Variants in P2RY8 observed in about 807,000 individuals in gnomAD.
P2RY8 encodes the protein S-geranylgeranyl-glutathione receptor P2RY8.
P2RY8 carries 6 observed loss-of-function variants against 10.0 expected under a neutral mutation model. The observed-to-expected ratio is 0.60, with a 90% CI of 0.33 to 1.19. The LOEUF is 1.19. Ranked by LOEUF, P2RY8 falls within the 50% of genes most tolerant of loss-of-function variation. The probability of loss-of-function intolerance (pLI) is 0.04; values close to 1 mark genes in which losing one functional copy is unlikely to be tolerated. For synonymous variants in P2RY8, 276 were observed against 252.5 expected, an observed-to-expected ratio of 1.09 and a Z score of -0.88; for missense variants, 456 against 542.0, an observed-to-expected ratio of 0.84 and a Z score of 1.58.
At chrX:1,526,492 C>T (rs1436967827) in intron 1 of P2RY8, among the ~76,000 whole-genome samples, 1 of 152,030 alleles carries the variant, frequency 6.6e-6, no homozygotes, top group Non-Finnish European at 1.5e-5. Flanking sequence ...ATTTATCCAT[C>T]CATCCATCCA....
At chrX:1,513,182 C>T (rs780560606) in intron 1 of P2RY8, among the ~76,000 whole-genome samples, 18 of 151,852 alleles carry the variant, frequency 1.2e-4, no homozygotes, top group Admixed American at 4.6e-4. Flanking sequence ...ATCCACGTCC[C>T]TGCAAAGGAT....
At chrX:1,507,305 C>T (rs755452336) in intron 1 of P2RY8, among the ~76,000 whole-genome samples, 1 of 152,142 alleles carries the variant, frequency 6.6e-6, no homozygotes, top group African/African-American at 2.4e-5. Flanking sequence ...CTAGATTTCA[C>T]CGGACGAGAT....
At chrX:1,501,884 C>T (rs767648543) in intron 1 of P2RY8, among the ~76,000 whole-genome samples, 4 of 152,172 alleles carry the variant, frequency 2.6e-5, no homozygotes, top group East Asian at 1.9e-4. Context: ...TGAGCCACCA[C>T]GCCCGGCGAG....
At chrX:1,526,226 A>C (rs2092439172) in intron 1 of P2RY8, among the ~76,000 whole-genome samples, 1 of 151,458 alleles carries the variant, frequency 6.6e-6, no homozygotes, top group Non-Finnish European at 1.5e-5. Flanking sequence ...TCATCCATCC[A>C]TCCATTTATC....
chrX:1,479,983 C>A (rs1184305030), intron 1 of P2RY8, among the ~76,000 whole-genome samples: 3 of 152,140 alleles, frequency 2.0e-5, no homozygotes, highest in Non-Finnish European at 4.4e-5. Flanking sequence ...GAAATTGAAT[C>A]GATAATTTAA....
Position 1,464,845 on chromosome X carries a change from G to T in P2RY8, c.*634C>A, listed in dbSNP as rs1179186772. On this transcript the variant is annotated 3_prime_UTR_variant, in exon 2 of 2. Coordinates refer to ENST00000381297, the MANE Select transcript of P2RY8 (RefSeq NM_178129.5). ...TAGCTGACTTGCAGGAGCCCCAGGC[G>T]CTCCTCTGAAAGAAGAATTCCAACC... The T allele has an allele frequency of 1.3e-5, 3 of 233,582 alleles. No homozygotes were observed. The highest frequency in any genetic ancestry group is 2.5e-5 in the Non-Finnish European group (3 of 118,332). The allele number at this position is 233,582 out of a possible 1,614,324, so 14.5% of individuals were successfully genotyped here.
chrX:1,489,777 T>C (rs1231818150), intron 1 of P2RY8, among the ~76,000 whole-genome samples: 1 of 136,180 alleles, frequency 7.3e-6, no homozygotes, highest in Admixed American at 7.4e-5. Flanking sequence ...CTTCTGCAAA[T>C]GTAGAGAGAA....
intron 1 of P2RY8, among the ~76,000 whole-genome samples, chrX:1,467,385 G>T (rs1231953287): frequency 1.3e-5 from 2 of 152,180 alleles, no homozygotes; most frequent in African/African-American, 4.8e-5. Context: ...GTTTCAGGGA[G>T]AAGTTTTCTG....
chrX:1,507,524 C>A (rs774787754), intron 1 of P2RY8, among the ~76,000 whole-genome samples: 1 of 152,076 alleles, frequency 6.6e-6, no homozygotes, highest in African/African-American at 2.4e-5. Flanking sequence ...GACGGTGGTT[C>A]GGAGCTGGGG....
chrX:1,495,931 C>A (rs1195905266), intron 1 of P2RY8, among the ~76,000 whole-genome samples: 1 of 148,472 alleles, frequency 6.7e-6, no homozygotes, highest in African/African-American at 2.5e-5. Context: ...GAGAGATGAC[C>A]CTGTGAGGAC....
rs1484174146 is a variant in P2RY8, at chrX:1,509,187, CTA to C, written c.-25+27732_-25+27733del. ...TCTATCTATCTATCTATCTATCTATCTATCCATCTATGTATCTACCTATCTAG... is the reference window on the plus strand; with the variant it reads ...TCTATCTATCTATCTATCTATCTATCTCCATCTATGTATCTACCTATCTAG... On this transcript the variant is annotated intron_variant, in intron 1 of 1. Coordinates refer to ENST00000381297, the MANE Select transcript of P2RY8 (RefSeq NM_178129.5). 3.2e-5 allele frequency among the ~76,000 whole-genome samples: 4 copies of C among 126,720 alleles called. No individual in the cohort carries two copies. The East Asian group carries it at 9.1e-4, about 29-fold the overall frequency. 83.1% of individuals were successfully genotyped at this position (126,720 alleles called of 152,430 possible). A position where few individuals can be genotyped will look rare whatever the true frequency, so the allele number is the denominator to read the frequency against.
rs1408547935 is a variant in P2RY8 at position 1,517,571 on chromosome X, C to G, written c.-25+19350G>C. Among the ~76,000 whole-genome samples, 3 of 152,124 alleles carry G rather than the reference C, an allele frequency of 2.0e-5. No individual in the cohort carries two copies. The East Asian group carries it at 5.8e-4, about 29-fold the overall frequency. ...CTGAGGGCTCTGAGCAAAATGGAAA[C>G]TAATTTCAGTGGGAAAAGAGGATCT... is the stretch of plus-strand genomic sequence containing the variant. On this transcript the variant is annotated intron_variant, in intron 1 of 1. Transcript: ENST00000381297.
At chrX:1,525,960 C>T (rs1410659851) in intron 1 of P2RY8, among the ~76,000 whole-genome samples, 5 of 151,914 alleles carry the variant, frequency 3.3e-5, no homozygotes, top group Middle Eastern at 3.2e-3. Flanking sequence ...ATCAATACAC[C>T]CACTATTCAC....
chrX:1,487,841 T>C (rs1169777494), intron 1 of P2RY8, among the ~76,000 whole-genome samples: 1 of 152,076 alleles, frequency 6.6e-6, no homozygotes, highest in Non-Finnish European at 1.5e-5. Context: ...CCAGGCGCGG[T>C]GGCTCACGCC....
intron 1 of P2RY8, among the ~76,000 whole-genome samples, chrX:1,525,391 C>G (rs752527481): frequency 6.6e-6 from 1 of 152,054 alleles, no homozygotes; most frequent in Non-Finnish European, 1.5e-5. Context: ...GAGACTGGGA[C>G]GCAGACATGC....
At chrX:1,488,621 T>C (rs1431569490) in intron 1 of P2RY8, among the ~76,000 whole-genome samples, 3 of 152,086 alleles carry the variant, frequency 2.0e-5, no homozygotes, top group Admixed American at 2.0e-4. Context: ...GGGTGCCAGC[T>C]CCTGCCTCCA....
chrX:1,466,581 C>G lies in P2RY8; in HGVS notation c.-23G>C. ...CATCCTGGAGGGGTCCTCGCCCGGGCTCTGCAAGGGAAGGAGGGAAGGGTG... is the reference window on the plus strand; with the variant it reads ...CATCCTGGAGGGGTCCTCGCCCGGGGTCTGCAAGGGAAGGAGGGAAGGGTG... On this transcript the variant is annotated splice_region_variant and 5_prime_UTR_variant, in exon 2 of 2. Coordinates refer to ENST00000381297, the MANE Select transcript of P2RY8 (RefSeq NM_178129.5). The G allele has an allele frequency of 6.3e-7, 1 of 1,590,806 alleles. No individual in the cohort carries two copies. Among genetic ancestry groups the G allele is most frequent in the Non-Finnish European group, 8.5e-7 (1 of 1,172,012 alleles).
In P2RY8 at chrX:1,466,268, G is replaced by C. The variant is rs766166608; in HGVS notation, c.291C>G (p.Asn97Lys). 19 of 1,613,778 alleles carry C rather than the reference G, an allele frequency of 1.2e-5. No homozygotes were observed. The highest frequency in any genetic ancestry group is 1.5e-5 in the Non-Finnish European group (18 of 1,179,866). The change falls in exon 2 of 2, where the codon AAC becomes AAG. Residue 97 changes from asparagine (N) to lysine (K), a missense_variant. By Grantham distance (94) the Asn-to-Lys change is moderately conservative. Transcript: ENST00000381297. ...TTGCGTAAAAGGCCACGGTCACCAC[G>C]TTGCAAAGCAGCACCCCGAATACCC... ...HHWVFGVLLC[N>K]VVTVAFYANM...
chrX:1,511,123 T>C (rs1182318433), intron 1 of P2RY8, among the ~76,000 whole-genome samples: 11 of 151,900 alleles, frequency 7.2e-5, no homozygotes, highest in African/African-American at 2.2e-4. Flanking sequence ...GAGGTTGCAG[T>C]GAGCCAAGAT....
Sources: allele counts gnomAD v4.1 joint callset (sites outside exome capture counted in the v4.1 genomes callset), GRCh38; gene constraint gnomAD v4.1.1; transcripts MANE v1.5; gene names NCBI Gene and HGNC (gene_info 2026-07-23, HGNC 2026-07-21).